Variants in JAG2 observed in about 807,000 individuals in gnomAD.
JAG2 encodes protein jagged-2.
In JAG2, 46 loss-of-function variants were observed where a neutral mutation model predicts 141.7. The ratio of observed to expected loss-of-function variants is 0.32; its 90% CI spans 0.26 to 0.42. The LOEUF (loss-of-function observed/expected upper bound fraction) is 0.42. JAG2 is among the 10% of genes least tolerant of loss of function. JAG2 has a pLI of 1.00. For missense variants in JAG2, 1,500 were observed against 1,817.5 expected (o/e 0.83, Z 3.18); for synonymous variants, 862 against 763.5 (o/e 1.13, Z -2.13).
At chr14:105,157,880 C>T in intron 2 of JAG2, 117 bp from the exon 3 acceptor site, 1 of 947,036 alleles carries the variant, frequency 1.1e-6, no homozygotes, top group Non-Finnish European at 1.6e-6. Flanking sequence ...TCTGGCCCTT[C>T]CTCCCCAGCC....
intron 5 of JAG2, 125 bp from the exon 6 acceptor site, chr14:105,152,416 G>GAGCAGCCCCAGCCAGGCAGGGGT: frequency 8.9e-7 from 1 of 1,123,204 alleles, no homozygotes; most frequent in Non-Finnish European, 1.3e-6. Flanking sequence ...CTTTGAACTG[G>GAGCAGCCCCAGCCAGGCAGGGGT]AGCAGCCCCA....
At chr14:105,156,097 G>T in intron 3 of JAG2, 108 bp from the exon 4 acceptor site, 2 of 1,399,586 alleles carry the variant, frequency 1.4e-6, no homozygotes, top group South Asian at 1.3e-5. Context: ...CAAGGCCGGG[G>T]CACAGCAGGC....
At chr14:105,165,518 A>G (rs1230828060) in intron 2 of JAG2, among the ~76,000 whole-genome samples, 1 of 151,966 alleles carries the variant, frequency 6.6e-6, no homozygotes, top group African/African-American at 2.4e-5. Context: ...CACATTCAAG[A>G]CCCTGGGCCC....
intron 22 of JAG2, 88 bp from the exon 23 acceptor site, chr14:105,146,061 G>A: frequency 2.6e-6 from 4 of 1,535,360 alleles, no homozygotes; most frequent in South Asian, 1.2e-5. Context: ...GGCAGGCACG[G>A]GCCCCATGCC....
At position 105,147,828 on chromosome 14, in the gene JAG2, C is replaced by A; in HGVS notation, c.2309G>T (p.Gly770Val). Residue 770 changes from glycine (G) to valine (V), a missense_variant, in exon 18 of 26, where the codon GGG (glycine) becomes GTG (valine). Coordinates refer to ENST00000331782, the MANE Select transcript of JAG2 (RefSeq NM_002226.5). ...CCGGCAGATGCAGGAGAAGGAGGCC[C>A]CGCTGCCCACGCAGGTGCCACCATT... ...CVNGGTCVGS[G>V]ASFSCICRDG... is the part of the protein sequence containing the mutation. The A allele has an allele frequency of 6.4e-7, 1 of 1,550,440 alleles. No individual in the cohort carries two copies.
chr14:105,164,626 G>C (rs938671340), intron 2 of JAG2, among the ~76,000 whole-genome samples: 27 of 152,346 alleles, frequency 1.8e-4, no homozygotes, highest in African/African-American at 5.8e-4. Context: ...ACAGACCTCA[G>C]CCTGGCCCAC....
At chr14:105,168,318 C>T (rs1888987016) in intron 1 of JAG2, 37 bp downstream of exon 1, 8 of 738,484 alleles carry the variant, frequency 1.1e-5, no homozygotes, top group Non-Finnish European at 1.4e-5. Context: ...CGGTGTGCCC[C>T]GTCCGCGACC....
chr14:105,168,187 C>T, intron 1 of JAG2, 80 bp from the exon 2 acceptor site: 3 of 1,185,594 alleles, frequency 2.5e-6, no homozygotes, highest in Non-Finnish European at 3.2e-6. Context: ...GGGGAACAGG[C>T]CCCGCCGCCC....
chr14:105,156,398 G>A lies in JAG2; in HGVS notation c.476-409C>T, dbSNP rs374037629. Among the ~76,000 whole-genome samples, 45 of 152,160 alleles carry A rather than the reference G, an allele frequency of 3.0e-4. 2 individuals are homozygous for A. The highest frequency in any genetic ancestry group is 1.7e-3 in the East Asian group (9 of 5,164). On this transcript the variant is annotated intron_variant, in intron 3 of 25. Coordinates refer to ENST00000331782, the MANE Select transcript of JAG2 (RefSeq NM_002226.5). ...CCCACCTGCGCCGTGTCCAGCCCTC[G>A]ACAGCACGGACATGGTGCTCAGTTG...
rs1298929881 is a variant in JAG2 at position 105,158,089 on chromosome 14, A to G, written c.418-326T>C. 7.2e-5 allele frequency among the ~76,000 whole-genome samples: 11 copies of G among 152,154 alleles called. No homozygotes were observed. The East Asian group carries it at 2.1e-3, about 29-fold the overall frequency. Reference sequence around the variant, plus strand: ...GCACAGGAAGAGCGACCGGGGGGAGAGGTGGGCAAAGGGCAGCCTGGCTGG... The same window carrying G: ...GCACAGGAAGAGCGACCGGGGGGAGGGGTGGGCAAAGGGCAGCCTGGCTGG... On this transcript the variant is annotated intron_variant, in intron 2 of 25. Coordinates refer to ENST00000331782, the MANE Select transcript of JAG2 (RefSeq NM_002226.5).
chr14:105,154,931 C>T lies in JAG2; in HGVS notation c.788+631G>A, dbSNP rs1888535224. 6.6e-6 allele frequency among the ~76,000 whole-genome samples: 1 copy of T among 151,652 alleles called. No individual in the cohort carries two copies. Among genetic ancestry groups the T allele is most frequent in the African/African-American group, 2.4e-5 (1 of 41,270 alleles). On this transcript the variant is annotated intron_variant, in intron 5 of 25. Transcript: ENST00000331782. This position sits in a 1 kb window ranked among gnomAD's most constrained non-coding sequence, Gnocchi z 4.4. ...ATCCACAAACCCCTGGGCTCCACCCCAGGATGTCTGCAGGACCCGTGCGCC... is the reference window on the plus strand; with the variant it reads ...ATCCACAAACCCCTGGGCTCCACCCTAGGATGTCTGCAGGACCCGTGCGCC...
chr14:105,144,678 C>G (rs587741606), intron 24 of JAG2, among the ~76,000 whole-genome samples: 9 of 152,352 alleles, frequency 5.9e-5, no homozygotes, highest in African/African-American at 2.2e-4. Flanking sequence ...GAGCAGGGGA[C>G]CGGGCGAGGA....
In JAG2 at chr14:105,146,736, G is replaced by T; in HGVS notation, c.2480-12C>A. On this transcript the variant is annotated splice_polypyrimidine_tract_variant and intron_variant, in intron 20 of 25. Coordinates refer to ENST00000331782, the MANE Select transcript of JAG2 (RefSeq NM_002226.5). ...GCACTCGTCGATGTCTGCAGGGAGA[G>T]CCACCGCTGCTCAGTGCAGTGAGGC... 1 of 1,601,356 alleles carries T rather than the reference G, an allele frequency of 6.2e-7. No homozygotes were observed. The highest frequency in any genetic ancestry group is 8.5e-7 in the Non-Finnish European group (1 of 1,170,314).
At position 105,148,107 on chromosome 14, in the gene JAG2, GCTC is replaced by G; in HGVS notation, c.2248+6_2248+8del. ...CCCGGCGGTCGCAGAGGCAGCGGGGGCTCCTCACCGACGGCGCAGGTGCTGCCC... is the reference window on the plus strand; with the variant it reads ...CCCGGCGGTCGCAGAGGCAGCGGGGGCTCACCGACGGCGCAGGTGCTGCCC... On this transcript the variant is annotated splice_donor_region_variant and intron_variant, in intron 17 of 25. Coordinates refer to ENST00000331782, the MANE Select transcript of JAG2 (RefSeq NM_002226.5). 1.3e-6 allele frequency: 2 copies of G among 1,539,050 alleles called. No individual in the cohort carries two copies. Among genetic ancestry groups the G allele is most frequent in the Non-Finnish European group, 1.8e-6 (2 of 1,138,500 alleles).
chr14:105,149,011 C>A lies in JAG2; in HGVS notation c.1832G>T (p.Arg611Leu). The stretch of plus-strand genomic sequence containing the variant: ...GTTGCCCCCTGGCTGGCTGACGCAG[C>A]GTCCATGGGGGCCACACACGCCGGA... The part of the protein sequence containing the change: ...AASGVCGPHG[R>L]CVSQPGGNFS... The change falls in exon 14 of 26, where the codon CGC becomes CTC. Residue 611 changes from arginine (R) to leucine (L), a missense_variant. This residue lies in a region of JAG2 where 875 missense variants were observed against 1,202.2 expected (regional missense o/e 0.73). Coordinates refer to ENST00000331782, the MANE Select transcript of JAG2 (RefSeq NM_002226.5). 3.1e-6 allele frequency: 5 copies of A among 1,606,810 alleles called. No homozygotes were observed. Among genetic ancestry groups the A allele is most frequent in the South Asian group, 1.1e-5 (1 of 89,960 alleles).
chr14:105,146,982 CG>C, intron 20 of JAG2: 1 of 621,038 alleles, frequency 1.6e-6, no homozygotes, highest in Non-Finnish European at 2.9e-6. Context: ...GCTGCTGCGT[CG>C]GACCAGCCAA....
chr14:105,142,948 G>C lies in JAG2; in HGVS notation c.3464C>G (p.Thr1155Arg), dbSNP rs587770280. The stretch of plus-strand genomic sequence containing the variant: ...CTCGTCCGCCCTGCGCGGCGGCGGC[G>C]TGAAGTTCTTGCACTGGTAGAGCAC... ...KDVLYQCKNF[T>R]PPPRRADEAL... Residue 1155 changes from threonine (T) to arginine (R), a missense_variant, in exon 26 of 26, where the codon ACG (threonine) becomes AGG (arginine). Around this residue, in one of 3 missense-constraint regions of JAG2, gnomAD observed 425 missense variants for 441.0 expected, o/e 0.96. Transcript: ENST00000331782. 9.3e-6 allele frequency: 15 copies of C among 1,609,264 alleles called. No homozygotes were observed. Among genetic ancestry groups the C allele is most frequent in the Non-Finnish European group, 1.3e-5 (15 of 1,178,102 alleles).
In JAG2 at chr14:105,143,052, C is replaced by T; in HGVS notation, c.3360G>A (p.Arg1120=). ...CCCACTGGTTGTTGGCGCTCTCCTC[C>T]CGCGGCAGCCGGCTCCTCTCCCGCT... The part of the protein sequence containing the change: ...RKERERSRLP[R]EESANNQWAP... Residue 1120 remains arginine, a synonymous_variant, in exon 26 of 26, where the codon CGG becomes CGA. Coordinates refer to ENST00000331782, the MANE Select transcript of JAG2 (RefSeq NM_002226.5). The T allele has an allele frequency of 1.2e-6, 2 of 1,602,818 alleles. No homozygotes were observed. Among genetic ancestry groups the T allele is most frequent in the Non-Finnish European group, 1.7e-6 (2 of 1,179,648 alleles).
At chr14:105,160,986 C>A (rs933067297) in intron 2 of JAG2, among the ~76,000 whole-genome samples, 2 of 152,152 alleles carry the variant, frequency 1.3e-5, no homozygotes, top group African/African-American at 4.8e-5. Flanking sequence ...GGGCTGAGAA[C>A]GCATAGCCCA....
Sources: allele counts gnomAD v4.1 joint callset (sites outside exome capture counted in the v4.1 genomes callset), GRCh38; gene constraint gnomAD v4.1.1; regional missense constraint gnomAD v4.1.1; non-coding constraint Gnocchi (gnomAD v3.1); transcripts MANE v1.5; gene names NCBI Gene and HGNC (gene_info 2026-07-23, HGNC 2026-07-21).